Variants in UNC79 observed in about 807,000 individuals in gnomAD.
The protein encoded by UNC79 is unc-79 subunit of NALCN channel complex, also known as protein unc-79 homolog.
In UNC79, 37 loss-of-function variants were observed where a neutral mutation model predicts 283.1. That is an observed-to-expected ratio of 0.13 (90% CI 0.10 to 0.17). The LOEUF (loss-of-function observed/expected upper bound fraction) is 0.17. Among genes scored for constraint, UNC79 ranks in the 10% least tolerant of loss-of-function variants. The pLI, the probability that UNC79 is intolerant of heterozygous loss-of-function variation, is 1.00. For synonymous variants in UNC79, 1,107 were observed against 1,200.2 expected (o/e 0.92, Z 1.61); for missense variants, 2,272 against 3,211.1 (o/e 0.71, Z 7.07).
intron 4 of UNC79, among the ~76,000 whole-genome samples, chr14:93,486,226 C>T (rs2058422491): frequency 1.3e-5 from 2 of 152,190 alleles, no homozygotes; most frequent in South Asian, 4.1e-4. Context: ...CTCTGCCACA[C>T]AAGCCCAAGT....
intron 40 of UNC79, among the ~76,000 whole-genome samples, chr14:93,667,217 G>A (rs186923405): frequency 2.0e-5 from 3 of 148,892 alleles, no homozygotes; most frequent in Admixed American, 2.0e-4. Flanking sequence ...ACAAAGGAAG[G>A]AACAAAGGAG....
chr14:93,622,411 C>T lies in UNC79; in HGVS notation c.5178C>T (p.Ser1726=). The T allele has an allele frequency of 2.5e-6, 4 of 1,614,118 alleles. No homozygotes were observed. In the South Asian group the frequency reaches 4.4e-5, roughly 18 times the overall value. Reference sequence around the variant, plus strand: ...AAGACCCTATGGACGCCGAAGGATCCTCAAAGCCAGAGGAGCTGCCAGAGT... The same window carrying T: ...AAGACCCTATGGACGCCGAAGGATCTTCAAAGCCAGAGGAGCTGCCAGAGT... Residue 1726 remains serine, a synonymous_variant, in exon 30 of 49, where the codon TCC becomes TCT. Transcript: ENST00000555664.
intron 40 of UNC79, among the ~76,000 whole-genome samples, chr14:93,668,355 G>C (rs571957673): frequency 1.6e-4 from 24 of 152,274 alleles, no homozygotes; most frequent in African/African-American, 5.1e-4. Flanking sequence ...TTCAACTACA[G>C]ATGATTATAA....
intron 1 of UNC79, among the ~76,000 whole-genome samples, chr14:93,420,278 T>C (rs534876220): frequency 6.6e-6 from 1 of 150,866 alleles, no homozygotes; most frequent in East Asian, 2.0e-4. Context: ...AAAACAATAC[T>C]CCATGCCAAT....
intron 14 of UNC79, among the ~76,000 whole-genome samples, chr14:93,571,525 G>A (rs1378640949): frequency 1.3e-5 from 2 of 152,150 alleles, no homozygotes; most frequent in Non-Finnish European, 2.9e-5. Flanking sequence ...CAGGTATAAC[G>A]TGCATGTTGT....
intron 43 of UNC79, 94 bp downstream of exon 46, chr14:93,686,755 G>GTA: frequency 7.2e-7 from 1 of 1,394,572 alleles, no homozygotes; most frequent in Non-Finnish European, 9.9e-7. Flanking sequence ...TCGCTACCTG[G>GTA]GGAGGCAGCC....
intron 19 of UNC79, among the ~76,000 whole-genome samples, chr14:93,581,539 G>T (rs1054449913): frequency 1.4e-5 from 2 of 142,000 alleles, no homozygotes; most frequent in African/African-American, 5.5e-5. Context: ...TGTCGCCCAG[G>T]CTGGAGTACT....
intron 1 of UNC79, 135 bp downstream of exon 1, chr14:93,431,186 G>A (rs1019717654): frequency 3.2e-6 from 1 of 313,184 alleles, no homozygotes; most frequent in Non-Finnish European, 5.9e-6. Flanking sequence ...CGGGTGGGGG[G>A]TGGCGGAGAG....
chr14:93,431,068 C>T lies in UNC79; in HGVS notation c.22+17C>T. 1 of 700,686 alleles carries T rather than the reference C, an allele frequency of 1.4e-6. No homozygotes were observed. The highest frequency in any genetic ancestry group is 1.5e-5 in the South Asian group (1 of 67,504). 43.4% of individuals were successfully genotyped at this position (700,686 alleles called of 1,614,324 possible). ...CGGAGCAGTGTAAGTAGCAGCCGGCCCGGCATTCCGGCCCGGCCTCGGCTG... is the reference window on the plus strand; with the variant it reads ...CGGAGCAGTGTAAGTAGCAGCCGGCTCGGCATTCCGGCCCGGCCTCGGCTG... On this transcript the variant is annotated intron_variant, in intron 1 of 48. Transcript: ENST00000555664.
intron 1 of UNC79, among the ~76,000 whole-genome samples, chr14:93,418,746 C>T (rs1251434622): frequency 6.6e-6 from 1 of 151,776 alleles, no homozygotes; most frequent in African/African-American, 2.4e-5. Flanking sequence ...CTCCCCCAGC[C>T]TCGCTGCCGC....
chr14:93,577,900 A>G, exon 18 of UNC79: 1 of 1,614,200 alleles, frequency 6.2e-7, no homozygotes, highest in East Asian at 2.2e-5. Context: ...AGTCCATTTC[A>G]TAGTCCTTTC....
At chr14:93,446,385 A>T (rs1595493969) in intron 1 of UNC79, among the ~76,000 whole-genome samples, 1 of 135,108 alleles carries the variant, frequency 7.4e-6, no homozygotes, top group African/African-American at 2.8e-5. Context: ...TTCTTTAGAC[A>T]TGTGTGTGGT....
At chr14:93,401,110 G>C (rs2140028078) in intron 1 of UNC79, among the ~76,000 whole-genome samples, 1 of 152,332 alleles carries the variant, frequency 6.6e-6, no homozygotes, top group African/African-American at 2.4e-5. Flanking sequence ...CTATTAAACA[G>C]TTAAAAATGT....
At chr14:93,667,931 C>T (rs2072397072) in intron 40 of UNC79, among the ~76,000 whole-genome samples, 1 of 152,124 alleles carries the variant, frequency 6.6e-6, no homozygotes, top group African/African-American at 2.4e-5. Flanking sequence ...TCAGCAGGTG[C>T]AAGAAAATAA....
At chr14:93,417,352 A>C (rs61992568) in intron 1 of UNC79, among the ~76,000 whole-genome samples, 3 of 152,084 alleles carry the variant, frequency 2.0e-5, no homozygotes, top group African/African-American at 4.8e-5. Context: ...TATTGGCCCC[A>C]ACTCTCTTCT....
chr14:93,590,620 G>A (rs1029241132), intron 22 of UNC79, among the ~76,000 whole-genome samples: 2 of 152,148 alleles, frequency 1.3e-5, no homozygotes, highest in African/African-American at 4.8e-5. Context: ...AGGGTCCATA[G>A]CCCAGGCTTT....
chr14:93,586,606 T>C (rs2064239353), exon 21 of UNC79: 3 of 1,613,734 alleles, frequency 1.9e-6, no homozygotes, highest in Non-Finnish European at 2.5e-6. Context: ...CAGTAAAGAA[T>C]GATACCGAAA....
At chr14:93,472,031 C>T (rs1387718547) in intron 2 of UNC79, among the ~76,000 whole-genome samples, 1 of 151,918 alleles carries the variant, frequency 6.6e-6, no homozygotes, top group African/African-American at 2.4e-5. Context: ...TAAAGCATAG[C>T]ATTAATTTAT....
chr14:93,551,324 C>T (rs1013325084), intron 14 of UNC79, among the ~76,000 whole-genome samples: 1 of 152,234 alleles, frequency 6.6e-6, no homozygotes, highest in African/African-American at 2.4e-5. Context: ...GCTGGGATTA[C>T]AGGCGTAAGC....
Sources: gnomAD v4.1 joint callset for allele counts (sites outside exome capture counted in the v4.1 genomes callset) on GRCh38, gnomAD v4.1.1 for gene constraint, MANE v1.5 for transcripts, NCBI Gene and HGNC (gene_info 2026-07-23, HGNC 2026-07-21) for gene names.